The following LRP1B variants were observed in gnomAD, a reference collection of about 807,000 sequenced individuals.
LRP1B encodes low-density lipoprotein receptor-related protein 1B.
Under a neutral mutation model 556.6 loss-of-function variants are expected in LRP1B, and 217 were observed. The observed-to-expected ratio is 0.39, with a 90% CI of 0.35 to 0.44. The LOEUF is 0.44. LRP1B is among the 20% of genes least tolerant of loss of function. The pLI is 1.00. For missense variants in LRP1B, 5,053 were observed against 5,620.8 expected, an observed-to-expected ratio of 0.90 and a Z score of 3.23; for synonymous variants, 2,047 against 1,865.8, an observed-to-expected ratio of 1.10 and a Z score of -2.50.
chr2:141,780,424 C>T (rs956571543), intron 2 of LRP1B, among the ~76,000 whole-genome samples: 1 of 152,004 alleles, frequency 6.6e-6, no homozygotes, highest in African/African-American at 2.4e-5. Context: ...CTACAATACT[C>T]CCCCAACAAT....
chr2:141,480,576 C>G (rs1682880838), intron 2 of LRP1B, 43 bp from the exon 3 acceptor site: 3 of 1,601,122 alleles, frequency 1.9e-6, no homozygotes, highest in Non-Finnish European at 2.6e-6. Flanking sequence ...GTTAGCTTTT[C>G]TAAATGGTAA....
chr2:141,285,580 C>CACG (rs1456832632), intron 3 of LRP1B, among the ~76,000 whole-genome samples: 2 of 147,722 alleles, frequency 1.4e-5, no homozygotes, highest in African/African-American at 4.9e-5. Context: ...CTCAGCCTCC[C>CACG]ACGTAGCTGG....
At chr2:141,524,035 T>A (rs1258956424) in intron 2 of LRP1B, among the ~76,000 whole-genome samples, 1 of 152,140 alleles carries the variant, frequency 6.6e-6, no homozygotes, top group East Asian at 1.9e-4. Flanking sequence ...CATTGCAGTG[T>A]CAAGTATTTT....
intron 52 of LRP1B, among the ~76,000 whole-genome samples, chr2:140,508,386 A>C (rs1409847701): frequency 6.6e-6 from 1 of 152,076 alleles, no homozygotes; most frequent in Non-Finnish European, 1.5e-5. Flanking sequence ...TTATTCTTTC[A>C]CATTGCCTAT....
intron 3 of LRP1B, among the ~76,000 whole-genome samples, chr2:141,292,127 C>G (rs1428260219): frequency 6.6e-6 from 1 of 152,138 alleles, no homozygotes; most frequent in African/African-American, 2.4e-5. Context: ...CATAGGAGCA[C>G]AAACCCTATT....
rs948330405 is a variant in LRP1B, at chr2:142,130,939, C to A, written c.-210G>T. Reference sequence around the variant, plus strand: ...TGGAAGGTGGAGGGATGCGCGCGTGCGGGAGAGAGGAGGCAGAGCGTGTGT... The same window carrying A: ...TGGAAGGTGGAGGGATGCGCGCGTGAGGGAGAGAGGAGGCAGAGCGTGTGT... On this transcript the variant is annotated 5_prime_UTR_variant, in exon 1 of 91. Coordinates refer to ENST00000389484, the MANE Select transcript of LRP1B (RefSeq NM_018557.3). The A allele has an allele frequency of 1.5e-5, 9 of 605,146 alleles. No individual in the cohort carries two copies. Among genetic ancestry groups the A allele is most frequent in the South Asian group, 1.3e-4 (7 of 54,010 alleles). The allele number at this position is 605,146 out of a possible 1,614,324, so 37.5% of individuals were successfully genotyped here.
chr2:141,840,196 T>C (rs1211074749), intron 1 of LRP1B, among the ~76,000 whole-genome samples: 4 of 151,908 alleles, frequency 2.6e-5, no homozygotes, highest in African/African-American at 9.7e-5. Flanking sequence ...TGAGGTTATA[T>C]TTGAAAAAGA....
chr2:140,750,905 G>C (rs1341235174), intron 35 of LRP1B, among the ~76,000 whole-genome samples: 2 of 150,980 alleles, frequency 1.3e-5, no homozygotes, highest in Non-Finnish European at 3.0e-5. Flanking sequence ...CATTTTCCCA[G>C]TAAACTGAAA....
chr2:141,050,454 G>A, intron 10 of LRP1B, among the ~76,000 whole-genome samples: 1 of 151,846 alleles, frequency 6.6e-6, no homozygotes, highest in East Asian at 1.9e-4. Flanking sequence ...TAGGTTTTAA[G>A]CCCCACATGC....
At chr2:140,617,753 AAAGT>A (rs1683307921) in intron 41 of LRP1B, among the ~76,000 whole-genome samples, 1 of 152,042 alleles carries the variant, frequency 6.6e-6, no homozygotes. Context: ...AAAAATATAA[AAAGT>A]AAGTTCTATT....
chr2:141,169,836 T>C (rs1450148975), intron 7 of LRP1B, among the ~76,000 whole-genome samples: 2 of 145,694 alleles, frequency 1.4e-5, no homozygotes, highest in African/African-American at 5.1e-5. Context: ...AGAATTAAAA[T>C]CTGCTACTTT....
chr2:142,118,415 A>G (rs916615362), intron 1 of LRP1B, among the ~76,000 whole-genome samples: 1 of 152,186 alleles, frequency 6.6e-6, no homozygotes, highest in African/African-American at 2.4e-5. Context: ...CTTCACAGCT[A>G]TCTGAATACG....
At chr2:141,725,459 C>T (rs187723580) in intron 2 of LRP1B, among the ~76,000 whole-genome samples, 5 of 151,802 alleles carry the variant, frequency 3.3e-5, no homozygotes, top group African/African-American at 1.2e-4. Flanking sequence ...TGTCATTGAT[C>T]AAGAGAAAGT....
intron 66 of LRP1B, among the ~76,000 whole-genome samples, chr2:140,438,085 T>C (rs1342229190): frequency 6.6e-6 from 1 of 152,166 alleles, no homozygotes; most frequent in African/African-American, 2.4e-5. Flanking sequence ...GGTGCAACCA[T>C]GGTTCACTGC....
chr2:141,039,485 G>A (rs945012015), intron 11 of LRP1B, among the ~76,000 whole-genome samples: 6 of 151,886 alleles, frequency 4.0e-5, no homozygotes, highest in African/African-American at 1.2e-4. Flanking sequence ...ATTTACCTCC[G>A]ATAAAGGGGG....
chr2:141,411,107 T>C (rs1315223092), intron 3 of LRP1B, among the ~76,000 whole-genome samples: 1 of 152,050 alleles, frequency 6.6e-6, no homozygotes, highest in South Asian at 2.1e-4. Flanking sequence ...TTATAAATCA[T>C]TGAACCTTAG....
intron 74 of LRP1B, among the ~76,000 whole-genome samples, chr2:140,357,076 G>A (rs1345102038): frequency 1.3e-5 from 2 of 151,662 alleles, no homozygotes; most frequent in African/African-American, 4.8e-5. Flanking sequence ...GTAATTTCCA[G>A]GATAGCAGTT....
chr2:141,700,257 G>T (rs1691892515), intron 2 of LRP1B, among the ~76,000 whole-genome samples: 1 of 151,656 alleles, frequency 6.6e-6, no homozygotes, highest in Non-Finnish European at 1.5e-5. Context: ...TGTAAAAGCT[G>T]GTATTTGTTT....
At chr2:141,738,246 C>T (rs1459092202) in intron 2 of LRP1B, among the ~76,000 whole-genome samples, 1 of 152,054 alleles carries the variant, frequency 6.6e-6, no homozygotes, top group Non-Finnish European at 1.5e-5. Context: ...GACTCTTATA[C>T]AAATGGACTA....
Sources: gnomAD v4.1 joint callset for allele counts (sites outside exome capture counted in the v4.1 genomes callset) on GRCh38, gnomAD v4.1.1 for gene constraint, MANE v1.5 for transcripts, NCBI Gene and HGNC (gene_info 2026-07-23, HGNC 2026-07-21) for gene names.